The following PAXIP1 variants were observed in gnomAD, a reference collection of about 807,000 sequenced individuals.
PAXIP1 encodes PAX-interacting protein 1.
Under a neutral mutation model 140.6 loss-of-function variants are expected in PAXIP1, and 19 were observed. That is an observed-to-expected ratio of 0.14 (90% CI 0.09 to 0.20). PAXIP1 has a LOEUF of 0.20. Among genes scored for constraint, PAXIP1 ranks in the 10% least tolerant of loss-of-function variants. The pLI is 1.00. For synonymous variants in PAXIP1, 442 were observed against 444.6 expected, an observed-to-expected ratio of 0.99 and a Z score of 0.07; for missense variants, 920 against 1,208.6, an observed-to-expected ratio of 0.76 and a Z score of 3.54.
chr7:154,978,922 A>T (rs1809721389), intron 5 of PAXIP1, among the ~76,000 whole-genome samples: 1 of 152,178 alleles, frequency 6.6e-6, no homozygotes, highest in Non-Finnish European at 1.5e-5. Flanking sequence ...GTTTGTATAG[A>T]ATGCTGGCAT....
chr7:154,955,659 A>C (rs1185761003), intron 14 of PAXIP1, 28 bp from the exon 15 acceptor site: 8 of 1,233,394 alleles, frequency 6.5e-6, no homozygotes, highest in Non-Finnish European at 9.1e-6. Flanking sequence ...ATAAAATAGT[A>C]GTGATTTCAT....
intron 5 of PAXIP1, among the ~76,000 whole-genome samples, chr7:154,978,621 T>G (rs1340156697): frequency 6.6e-6 from 1 of 152,168 alleles, no homozygotes; most frequent in Non-Finnish European, 1.5e-5. Flanking sequence ...TTTAGGAAAA[T>G]ATGAAGTCCA....
intron 5 of PAXIP1, among the ~76,000 whole-genome samples, chr7:154,979,090 T>C (rs978061065): frequency 3.3e-5 from 5 of 152,234 alleles, no homozygotes; most frequent in Admixed American, 2.0e-4. Context: ...ACAAAGATGA[T>C]TTAAGAGGAA....
At position 154,969,049 on chromosome 7, in the gene PAXIP1, G is replaced by A. The variant is rs2150757891; in HGVS notation, c.1152C>T (p.Ala384=). 4 of 1,538,248 alleles carry A rather than the reference G, an allele frequency of 2.6e-6. No individual in the cohort carries two copies. The East Asian group carries it at 7.4e-5, about 28-fold the overall frequency. ...VNHSQQGHTN[A]NAVLFSQVKV... ...TCACTTGGCTAAACAGCACTGCATT[G>A]GCATTTGTATGTCCCTGCTGGCTGT... Residue 384 remains alanine, a synonymous_variant, in exon 7 of 21, where the codon GCC becomes GCT. Coordinates refer to ENST00000404141, the MANE Select transcript of PAXIP1 (RefSeq NM_007349.4).
At chr7:154,981,320 C>T (rs1291939138) in intron 5 of PAXIP1, among the ~76,000 whole-genome samples, 2 of 152,128 alleles carry the variant, frequency 1.3e-5, no homozygotes, top group Non-Finnish European at 2.9e-5. Flanking sequence ...CTGGCAGATA[C>T]AAAATCTGCT....
intron 1 of PAXIP1, 24 bp downstream of exon 1, chr7:155,002,825 C>T (rs1363984490): frequency 1.5e-6 from 2 of 1,351,206 alleles, no homozygotes; most frequent in African/African-American, 1.5e-5. Flanking sequence ...GGGGAGGAGG[C>T]CGCGGCAGGG....
In PAXIP1 at chr7:154,975,716, G is replaced by A. The variant is rs374253449; in HGVS notation, c.1054C>T (p.Arg352Trp). The change falls in exon 6 of 21, where the codon CGG (arginine) becomes TGG (tryptophan). Residue 352 changes from arginine to tryptophan, a missense_variant. By Grantham distance (101) the Arg-to-Trp change is moderately radical. Transcript: ENST00000404141. ...TNNADIQQMN[R>W]PSNVAHILQT... ...CTTACATGTGCTACATTTGATGGCC[G>A]GTTCATCTGCTGAATGTCAGCATTA... 3.3e-5 allele frequency: 53 copies of A among 1,609,932 alleles called. No homozygotes were observed. The highest frequency in any genetic ancestry group is 1.2e-4 in the South Asian group (11 of 90,750).
intron 10 of PAXIP1, 116 bp downstream of exon 10, chr7:154,962,205 A>G (rs1277310735): frequency 2.8e-6 from 3 of 1,083,930 alleles, no homozygotes; most frequent in Non-Finnish European, 4.1e-6. Context: ...GCAAAAGTAC[A>G]TAGAGAAGCT....
At chr7:154,992,303 C>A (rs776569894) in intron 3 of PAXIP1, among the ~76,000 whole-genome samples, 1 of 152,138 alleles carries the variant, frequency 6.6e-6, no homozygotes, top group Non-Finnish European at 1.5e-5. Context: ...AATCCCAGCA[C>A]TTTGGGAGGC....
rs898601334 is a variant in PAXIP1, at chr7:154,985,949, C to T, written c.325-2617G>A. On this transcript the variant is annotated intron_variant, in intron 4 of 20. Transcript: ENST00000404141. ...TACAGAATGGAAAGGACTTTTTAGT[C>T]TTCTAGATTCAAATCATGACCTAGC... 18 of 1,238,290 alleles carry T rather than the reference C, an allele frequency of 1.5e-5. No homozygotes were observed. In the East Asian group the frequency reaches 7.9e-4, roughly 54 times the overall value. 76.7% of individuals were successfully genotyped at this position (1,238,290 alleles called of 1,614,324 possible).
At chr7:154,957,733 C>T (rs1331678845) in intron 13 of PAXIP1, among the ~76,000 whole-genome samples, 4 of 150,718 alleles carry the variant, frequency 2.7e-5, no homozygotes, top group Non-Finnish European at 4.4e-5. Flanking sequence ...TTTGGGAGGC[C>T]GAGGCGGGTG....
rs1808830167 is a variant in PAXIP1 at position 154,963,008 on chromosome 7, G to A, written c.1990-550C>T. Among the ~76,000 whole-genome samples, 1 of 152,110 alleles carries A rather than the reference G, an allele frequency of 6.6e-6. No individual in the cohort carries two copies. The highest frequency in any genetic ancestry group is 2.4e-5 in the African/African-American group (1 of 41,406). On this transcript the variant is annotated intron_variant, in intron 9 of 20. Transcript: ENST00000404141. This position sits in a 1 kb window ranked among gnomAD's most constrained non-coding sequence, Gnocchi z 4.1. ...ATGAAACTTCAGAGAGCACAGGAAG[G>A]TAATATTGAGGAGAAAGCCTGCACC...
intron 17 of PAXIP1, chr7:154,947,282 A>G (rs1325071819): frequency 6.3e-6 from 1 of 159,296 alleles, no homozygotes; most frequent in Non-Finnish European, 1.4e-5. Flanking sequence ...TAATTATCTA[A>G]CAAGATTGCT....
rs1421810131 is a variant in PAXIP1 at position 154,954,521 on chromosome 7, G to A, written c.2653-98C>T. On this transcript the variant is annotated intron_variant, in intron 15 of 20. Transcript: ENST00000404141. This position sits in a 1 kb window ranked among gnomAD's most constrained non-coding sequence, Gnocchi z 5.1. ...CAGAGGAATATCTACCTAAAGACAA[G>A]GTTTATGACTGTAATTCTCAGCCAC... The A allele has an allele frequency of 7.9e-6, 6 of 756,038 alleles. No individual in the cohort carries two copies. Among genetic ancestry groups the A allele is most frequent in the Admixed American group, 4.2e-5 (1 of 23,530 alleles). The allele number at this position is 756,038 out of a possible 1,614,324, so 46.8% of individuals were successfully genotyped here. A position where few individuals can be genotyped will look rare whatever the true frequency, so the allele number is the denominator to read the frequency against.
At chr7:154,998,038 C>T (rs1810718700) in intron 2 of PAXIP1, among the ~76,000 whole-genome samples, 1 of 152,234 alleles carries the variant, frequency 6.6e-6, no homozygotes, top group South Asian at 2.1e-4. Flanking sequence ...GCTCAGAAAA[C>T]TTCCAGGCAG....
chr7:155,001,604 TCTC>T (rs1193344098), intron 1 of PAXIP1: 3 of 151,740 alleles, frequency 2.0e-5, no homozygotes, highest in Admixed American at 1.3e-4. Context: ...TTCCAGCAAT[TCTC>T]CTGCCTCAGC....
chr7:154,997,250 TTTTG>T (rs1810676485), intron 2 of PAXIP1, among the ~76,000 whole-genome samples: 1 of 152,206 alleles, frequency 6.6e-6, no homozygotes, highest in Non-Finnish European at 1.5e-5. Flanking sequence ...CCCTTTTTCT[TTTTG>T]TTTAAGAGAT....
In PAXIP1 at chr7:154,946,540, T is replaced by G; in HGVS notation, c.3105A>C (p.Leu1035Phe). 3 of 1,613,980 alleles carry G rather than the reference T, an allele frequency of 1.9e-6. No individual in the cohort carries two copies. Among genetic ancestry groups the G allele is most frequent in the Non-Finnish European group, 2.5e-6 (3 of 1,179,874 alleles). The stretch of plus-strand genomic sequence containing the variant: ...TGCCTCTGGCAAAATATTCTCGGCA[T>G]AAATGAAGGTCATTTTCACAGGATA... ...ILISCENDLHLCREYFARGID... is the reference protein window; with the variant it reads ...ILISCENDLHFCREYFARGID... Residue 1035 changes from leucine (L) to phenylalanine (F), a missense_variant, in exon 19 of 21, where the codon TTA (leucine) becomes TTC (phenylalanine). Leu to Phe is a conservative substitution (Grantham distance 22). Coordinates refer to ENST00000404141, the MANE Select transcript of PAXIP1 (RefSeq NM_007349.4). The surrounding 1 kb of genome is among the most constrained non-coding windows in gnomAD (Gnocchi z 4.9).
intron 5 of PAXIP1, among the ~76,000 whole-genome samples, chr7:154,977,008 T>G (rs1809611355): frequency 6.6e-6 from 1 of 152,188 alleles, no homozygotes; most frequent in South Asian, 2.1e-4. Flanking sequence ...CTCATCAACA[T>G]AAGCTGGAGG....
Sources: allele counts gnomAD v4.1 joint callset (sites outside exome capture counted in the v4.1 genomes callset), GRCh38; gene constraint gnomAD v4.1.1; non-coding constraint Gnocchi (gnomAD v3.1); transcripts MANE v1.5; gene names NCBI Gene and HGNC (gene_info 2026-07-23, HGNC 2026-07-21).